Variants in NRXN1 observed in about 807,000 individuals in gnomAD.
The protein encoded by NRXN1 is neurexin-1.
A neutral mutation model predicts 150.9 loss-of-function variants in NRXN1; 39 were observed. That is an observed-to-expected ratio of 0.26 (90% CI 0.20 to 0.34). The LOEUF (loss-of-function observed/expected upper bound fraction) is 0.34, where lower values mean the gene tolerates loss of function less well. NRXN1 is among the 10% of genes least tolerant of loss of function. The pLI, the probability that NRXN1 is intolerant of heterozygous loss-of-function variation, is 1.00. For missense variants in NRXN1, 1,815 were observed against 1,949.9 expected (o/e 0.93, Z 1.30); for synonymous variants, 924 against 757.0 (o/e 1.22, Z -3.62).
chr2:50,671,774 GT>G (rs951563578), intron 5 of NRXN1, among the ~76,000 whole-genome samples: 3 of 151,700 alleles, frequency 2.0e-5, no homozygotes, highest in Admixed American at 6.6e-5. Flanking sequence ...TTGCTATTTT[GT>G]TAAGCTAACA....
In NRXN1 at chr2:50,277,415, T is replaced by TC. The variant is rs1558434660; in HGVS notation, c.3365-40446dup. On this transcript the variant is annotated intron_variant, in intron 17 of 22. Coordinates refer to ENST00000401669, the MANE Select transcript of NRXN1 (RefSeq NM_001330078.2). ...TTCCTTCCTTCCTCCCTCCTTCCCT[T>TC]CCTTCCTTCCTCCCTCCCTTCCTCC... Among the ~76,000 whole-genome samples the TC allele has an allele frequency of 5.3e-5, 8 of 150,524 alleles. No individual in the cohort carries two copies. The East Asian group carries it at 1.6e-3, about 30-fold the overall frequency.
At chr2:50,623,824 T>G (rs984339583) in intron 5 of NRXN1, among the ~76,000 whole-genome samples, 3 of 152,100 alleles carry the variant, frequency 2.0e-5, no homozygotes, top group African/African-American at 7.2e-5. Context: ...TTAGGGTACA[T>G]GTGCACAATG....
intron 18 of NRXN1, among the ~76,000 whole-genome samples, chr2:50,160,645 C>T (rs764572765): frequency 3.9e-5 from 6 of 151,914 alleles, no homozygotes; most frequent in Non-Finnish European, 7.4e-5. Flanking sequence ...CCTAAATATA[C>T]CTTAAAGATT....
intron 5 of NRXN1, among the ~76,000 whole-genome samples, chr2:50,724,126 G>A (rs1010060074): frequency 1.4e-4 from 22 of 151,978 alleles, no homozygotes; most frequent in African/African-American, 5.3e-4. Flanking sequence ...GATCCTCTAG[G>A]GTGACACTCT....
chr2:50,310,063 T>C (rs565229704), intron 17 of NRXN1, among the ~76,000 whole-genome samples: 1 of 152,188 alleles, frequency 6.6e-6, no homozygotes, highest in Non-Finnish European at 1.5e-5. Context: ...TAAAACGACA[T>C]GCCTCTGGCT....
intron 17 of NRXN1, among the ~76,000 whole-genome samples, chr2:50,368,696 T>C (rs1002649703): frequency 6.6e-6 from 1 of 151,916 alleles, no homozygotes; most frequent in Non-Finnish European, 1.5e-5. Flanking sequence ...TCTTTAAGGA[T>C]TTTCATATAG....
intron 18 of NRXN1, among the ~76,000 whole-genome samples, chr2:50,104,343 T>C (rs1440634340): frequency 1.3e-5 from 2 of 151,994 alleles, no homozygotes; most frequent in East Asian, 1.9e-4. Context: ...ATTTATACAC[T>C]TCCCCTGCCA....
At chr2:50,548,654 C>A (rs966143974) in intron 9 of NRXN1, among the ~76,000 whole-genome samples, 5 of 151,664 alleles carry the variant, frequency 3.3e-5, no homozygotes, top group African/African-American at 1.2e-4. Context: ...CAGGAATGTA[C>A]TAGAAACTGT....
intron 21 of NRXN1, among the ~76,000 whole-genome samples, chr2:50,005,062 C>T (rs1222735785): frequency 6.6e-6 from 1 of 152,096 alleles, no homozygotes; most frequent in Non-Finnish European, 1.5e-5. Flanking sequence ...AAAATAATAA[C>T]AAATATTCAT....
intron 12 of NRXN1, among the ~76,000 whole-genome samples, 170 bp downstream of exon 12, chr2:50,528,455 T>C (rs1240025126): frequency 6.6e-6 from 1 of 152,158 alleles, no homozygotes; most frequent in African/African-American, 2.4e-5. Flanking sequence ...TCTTCAGCTG[T>C]ACAAATTTAA....
chr2:50,287,004 T>C (rs2072271171), intron 17 of NRXN1, among the ~76,000 whole-genome samples: 2 of 152,068 alleles, frequency 1.3e-5, no homozygotes, highest in Non-Finnish European at 2.9e-5. Flanking sequence ...ATAGAACTTA[T>C]ATTTTGTTGA....
rs138107793 is a variant in NRXN1 at position 50,197,866 on chromosome 2, T to G, written c.3546+38923A>C. ...CAACATAAGAGAATGAACATATTTT[T>G]TAAAGGCCTTATTGCAAGTCAAGTC... On this transcript the variant is annotated intron_variant, in intron 18 of 22. Coordinates refer to ENST00000401669, the MANE Select transcript of NRXN1 (RefSeq NM_001330078.2). Among the ~76,000 whole-genome samples, 782 of 152,276 alleles carry G rather than the reference T, an allele frequency of 5.1e-3. 3 individuals carry two copies. The highest frequency in any genetic ancestry group is 0.017 in the African/African-American group (692 of 41,568).
At chr2:50,943,613 C>T (rs1316539947) in intron 2 of NRXN1, among the ~76,000 whole-genome samples, 1 of 152,070 alleles carries the variant, frequency 6.6e-6, no homozygotes, top group African/African-American at 2.4e-5. Flanking sequence ...AGAACTGTGC[C>T]CTGGGAAATA....
chr2:50,969,138 T>A (rs1156472156), intron 2 of NRXN1, among the ~76,000 whole-genome samples: 1 of 152,120 alleles, frequency 6.6e-6, no homozygotes, highest in Non-Finnish European at 1.5e-5. Flanking sequence ...ACTTCTCTTG[T>A]CCTCAGAGAT....
intron 18 of NRXN1, among the ~76,000 whole-genome samples, chr2:50,197,670 G>A (rs73930303): frequency 0.019 from 2,955 of 152,036 alleles, 99 homozygotes; most frequent in African/African-American, 0.068. Flanking sequence ...ATTCTCTTCT[G>A]TAAGTATTTT....
In NRXN1 at chr2:49,959,391, C is replaced by G. The variant is rs1004980181; in HGVS notation, c.4129-15600G>C. Among the ~76,000 whole-genome samples the G allele has an allele frequency of 3.3e-5, 5 of 152,332 alleles. No homozygotes were observed. In the South Asian group the frequency reaches 1.0e-3, roughly 32 times the overall value. ...CAGCCATGCAGGCATCCAGCTGTAT[C>G]TATCCAGAGTGGGTGATTCACCTGG... On this transcript the variant is annotated intron_variant, in intron 21 of 22. Coordinates refer to ENST00000401669, the MANE Select transcript of NRXN1 (RefSeq NM_001330078.2).
intron 17 of NRXN1, among the ~76,000 whole-genome samples, chr2:50,389,638 C>T (rs1005592858): frequency 1.3e-5 from 2 of 151,968 alleles, no homozygotes; most frequent in African/African-American, 4.8e-5. Context: ...TTAGGTTCTC[C>T]TATAATCTTT....
intron 5 of NRXN1, among the ~76,000 whole-genome samples, chr2:50,628,318 T>C (rs72885633): frequency 0.016 from 2,409 of 151,874 alleles, 80 homozygotes; most frequent in African/African-American, 0.055. Flanking sequence ...ATTTCTTTTG[T>C]ATTGTTTAAT....
chr2:50,431,144 ATC>A (rs1310985427), intron 17 of NRXN1, among the ~76,000 whole-genome samples: 1 of 152,094 alleles, frequency 6.6e-6, no homozygotes, highest in Non-Finnish European at 1.5e-5. Flanking sequence ...TTCAAACATT[ATC>A]TCTGTCTTCT....
Sources: allele counts gnomAD v4.1 joint callset (sites outside exome capture counted in the v4.1 genomes callset), GRCh38; gene constraint gnomAD v4.1.1; transcripts MANE v1.5; gene names NCBI Gene and HGNC (gene_info 2026-07-23, HGNC 2026-07-21).